The following TADA2A variants were observed in gnomAD, a reference collection of about 807,000 sequenced individuals.
TADA2A encodes transcriptional adapter 2-alpha.
A neutral mutation model predicts 67.4 loss-of-function variants in TADA2A; 38 were observed. That is an observed-to-expected ratio of 0.56 (90% CI 0.44 to 0.74). The LOEUF is 0.74. Ranked by LOEUF, TADA2A falls within the 30% of genes least tolerant of loss-of-function variation. TADA2A has a pLI of 0.00. For synonymous variants in TADA2A, 192 were observed against 181.6 expected, an observed-to-expected ratio of 1.06 and a Z score of -0.46; for missense variants, 454 against 547.0, an observed-to-expected ratio of 0.83 and a Z score of 1.70.
intron 3 of TADA2A, among the ~76,000 whole-genome samples, chr17:37,424,158 C>A (rs1004117259): frequency 1.3e-5 from 2 of 152,104 alleles, no homozygotes; most frequent in African/African-American, 4.8e-5. Flanking sequence ...CTTGGCCGGG[C>A]ACAGTGGCTC....
chr17:37,409,132 C>T (rs964923218), intron 1 of TADA2A, among the ~76,000 whole-genome samples: 4 of 152,194 alleles, frequency 2.6e-5, no homozygotes, highest in African/African-American at 9.7e-5. Context: ...GTCGCCCAGG[C>T]TGGAGTGCAG....
intron 2 of TADA2A, among the ~76,000 whole-genome samples, chr17:37,412,397 G>A (rs1172752900): frequency 1.3e-5 from 2 of 152,054 alleles, no homozygotes; most frequent in African/African-American, 2.4e-5. Context: ...CCCCCTTGAT[G>A]TGGAACTTGT....
chr17:37,444,632 G>A, intron 7 of TADA2A, 64 bp from the exon 8 acceptor site: 1 of 1,341,310 alleles, frequency 7.5e-7, no homozygotes, highest in Non-Finnish European at 1.1e-6. Context: ...AAGCATGGCT[G>A]CTGTAAAGAC....
chr17:37,432,925 A>ATTTTTTTTTTTTTTTTTTTTTTTTTTTTT (rs1046006991), intron 4 of TADA2A, among the ~76,000 whole-genome samples: 2 of 52,208 alleles, frequency 3.8e-5, no homozygotes, highest in African/African-American at 7.4e-5. Flanking sequence ...TGGTATTACA[A>ATTTTTTTTTTTTTTTTTTTTTTTTTTTTT]TTTTTTTTTT....
chr17:37,471,590 C>T (rs1297234424), intron 14 of TADA2A, among the ~76,000 whole-genome samples: 1 of 151,498 alleles, frequency 6.6e-6, no homozygotes, highest in Non-Finnish European at 1.5e-5. Context: ...TCACTGCAAC[C>T]TCCGCTTCCC....
At chr17:37,432,995 A>G (rs993286933) in intron 4 of TADA2A, among the ~76,000 whole-genome samples, 1 of 140,130 alleles carries the variant, frequency 7.1e-6, no homozygotes, top group Non-Finnish European at 1.5e-5. Context: ...TAAGATTCAC[A>G]CATTTCAATT....
At chr17:37,466,047 CA>C (rs1412126115) in intron 11 of TADA2A, among the ~76,000 whole-genome samples, 16 of 152,258 alleles carry the variant, frequency 1.1e-4, no homozygotes, top group Admixed American at 1.3e-4. Flanking sequence ...ATAGTACTTC[CA>C]TCGATCTCTT....
In TADA2A at chr17:37,411,362, G is replaced by A. The variant is rs1313768831; in HGVS notation, c.-4G>A. The A allele has an allele frequency of 2.5e-6, 4 of 1,613,932 alleles. No homozygotes were observed. The East Asian group carries it at 8.9e-5, about 36-fold the overall frequency. On this transcript the variant is annotated 5_prime_UTR_variant, in exon 2 of 16. Coordinates refer to ENST00000615182, the MANE Select transcript of TADA2A (RefSeq NM_001166105.3). ...CCAAAGCAGCACTCGTTGCCAATTA[G>A]GGAATGGACCGTTTGGGTTCCTTTA...
At chr17:37,449,084 G>A (rs1009395986) in intron 8 of TADA2A, among the ~76,000 whole-genome samples, 10 of 151,702 alleles carry the variant, frequency 6.6e-5, no homozygotes, top group African/African-American at 1.5e-4. Context: ...GCAGTGGCGC[G>A]ATCTTGGCTC....
rs62075729 is a variant in TADA2A at position 37,474,351 on chromosome 17, C to T, written c.1073-205C>T. 9.2e-3 allele frequency among the ~76,000 whole-genome samples: 1,396 copies of T among 152,224 alleles called. 10 individuals are homozygous for T. The highest frequency in any genetic ancestry group is 0.013 in the Non-Finnish European group (910 of 68,014). Reference sequence around the variant, plus strand: ...GCAGATTATGGGTAATTCATGTGCCCTGAATATGTAATTCATTTTCAAGTG... The same window carrying T: ...GCAGATTATGGGTAATTCATGTGCCTTGAATATGTAATTCATTTTCAAGTG... On this transcript the variant is annotated intron_variant, in intron 14 of 15. Transcript: ENST00000615182.
At chr17:37,438,090 T>G in intron 5 of TADA2A, 1 of 358,380 alleles carries the variant, frequency 2.8e-6, no homozygotes, top group Non-Finnish European at 5.0e-6. Context: ...GAAGATTGAT[T>G]ATTATTCCTT....
chr17:37,418,394 A>AC (rs2147912951), intron 2 of TADA2A, among the ~76,000 whole-genome samples: 1 of 152,262 alleles, frequency 6.6e-6, no homozygotes, highest in East Asian at 1.9e-4. Flanking sequence ...CATTGTGGCA[A>AC]CAAAAAGGTA....
rs930851277 is a variant in TADA2A at position 37,477,290 on chromosome 17, G to C, written c.*308G>C. On this transcript the variant is annotated 3_prime_UTR_variant, in exon 16 of 16. Transcript: ENST00000615182. The stretch of plus-strand genomic sequence containing the variant: ...AGTACCTCACATCACAGTGCTGGTA[G>C]AAATGGAACTAAACCACAGTCTGTA... 3.7e-6 allele frequency: 1 copy of C among 273,646 alleles called. No homozygotes were observed. Among genetic ancestry groups the C allele is most frequent in the Non-Finnish European group, 6.8e-6 (1 of 146,226 alleles). The allele number at this position is 273,646 out of a possible 1,614,324, so 17.0% of individuals were successfully genotyped here.
chr17:37,472,289 C>T (rs998000784), intron 14 of TADA2A, among the ~76,000 whole-genome samples: 1 of 152,020 alleles, frequency 6.6e-6, no homozygotes, highest in African/African-American at 2.4e-5. Context: ...TGGTCTCGAA[C>T]TGCTGACCTC....
chr17:37,428,670 C>T (rs1005012354), intron 4 of TADA2A, among the ~76,000 whole-genome samples: 1 of 152,204 alleles, frequency 6.6e-6, no homozygotes, highest in African/African-American at 2.4e-5. Flanking sequence ...TAACCTCGAC[C>T]TCCCAGGCTT....
intron 2 of TADA2A, among the ~76,000 whole-genome samples, chr17:37,416,840 T>G (rs536309013): frequency 6.1e-4 from 91 of 150,216 alleles, no homozygotes; most frequent in Non-Finnish European, 1.2e-3. Flanking sequence ...ACTCCAGCCT[T>G]CCAGCCTGCC....
rs191475547 is a variant in TADA2A, at chr17:37,460,087, T to C, written c.668+1500T>C. ...TCTCAAAAAAGAAAAAAAACCTTTTTTTTTTTTTTTGAGACAGGGTCTCAC... is the reference window on the plus strand; with the variant it reads ...TCTCAAAAAAGAAAAAAAACCTTTTCTTTTTTTTTTGAGACAGGGTCTCAC... On this transcript the variant is annotated intron_variant, in intron 9 of 15. Coordinates refer to ENST00000615182, the MANE Select transcript of TADA2A (RefSeq NM_001166105.3). Among the ~76,000 whole-genome samples, 883 of 151,298 alleles carry C rather than the reference T, an allele frequency of 5.8e-3. 5 individuals carry two copies. The highest frequency in any genetic ancestry group is 0.018 in the African/African-American group (763 of 41,362).
chr17:37,439,953 T>A lies in TADA2A; in HGVS notation c.285-552T>A, dbSNP rs1162845933. 3.3e-4 allele frequency among the ~76,000 whole-genome samples: 48 copies of A among 146,236 alleles called. 1 individual carries two copies. The East Asian group carries it at 6.0e-3, about 18-fold the overall frequency. On this transcript the variant is annotated intron_variant, in intron 5 of 15. Coordinates refer to ENST00000615182, the MANE Select transcript of TADA2A (RefSeq NM_001166105.3). ...TTATTTATTTATTTATTATTTTTTT[T>A]TTTTTTTGAGATGGAGTTTCGCTCT...
intron 8 of TADA2A, among the ~76,000 whole-genome samples, chr17:37,449,360 A>G (rs929553538): frequency 3.8e-4 from 58 of 152,338 alleles, no homozygotes; most frequent in African/African-American, 1.3e-3. Flanking sequence ...TTAGACATGA[A>G]TACTATCAGT....
Sources: gnomAD v4.1 joint callset for allele counts (sites outside exome capture counted in the v4.1 genomes callset) on GRCh38, gnomAD v4.1.1 for gene constraint, MANE v1.5 for transcripts, NCBI Gene and HGNC (gene_info 2026-07-23, HGNC 2026-07-21) for gene names.